EXOC3: variants seen among roughly 807,000 people sequenced by gnomAD.
EXOC3 encodes exocyst complex component 3.
EXOC3 carries 21 observed loss-of-function variants against 73.7 expected under a neutral mutation model. The observed-to-expected ratio is 0.29, with a 90% CI of 0.20 to 0.41. EXOC3 has a LOEUF of 0.41. Ranked by LOEUF, EXOC3 falls within the 10% of genes least tolerant of loss-of-function variation. The pLI, the probability that EXOC3 is intolerant of heterozygous loss-of-function variation, is 1.00. For missense variants in EXOC3, 842 were observed against 985.1 expected (o/e 0.85, Z 1.95); for synonymous variants, 410 against 389.1 (o/e 1.05, Z -0.63).
intron 5 of EXOC3, 82 bp downstream of exon 5, chr5:457,088 G>A (rs766882799): frequency 6.3e-5 from 60 of 949,626 alleles, no homozygotes; most frequent in Non-Finnish European, 9.6e-5. Context: ...CAGGAGGCAG[G>A]GGGGAAATGC....
intron 5 of EXOC3, 160 bp from the exon 6 acceptor site, chr5:457,740 T>C: frequency 1.4e-6 from 1 of 708,048 alleles, no homozygotes; most frequent in Non-Finnish European, 2.3e-6. Flanking sequence ...TGGGGGTGGC[T>C]CCTGGGTCCC....
chr5:449,445 TG>T (rs1196298953), intron 3 of EXOC3, among the ~76,000 whole-genome samples: 1 of 152,244 alleles, frequency 6.6e-6, no homozygotes, highest in Non-Finnish European at 1.5e-5. Flanking sequence ...CATTAAACAC[TG>T]ACTTCGCACC....
rs372030648 is a variant in EXOC3, at chr5:457,003, C to G, written c.1161C>G (p.Leu387=). The change falls in exon 5 of 13, where the codon CTC becomes CTG. Residue 387 remains leucine (L), a synonymous_variant. Coordinates refer to ENST00000512944, the MANE Select transcript of EXOC3 (RefSeq NM_007277.5). ...SELLDTYMST[L]TSNIIAWLRK... ...TGCTTGACACGTACATGTCCACGCTCACTGTGAGTAGGGCTGGCCTGCGTG... is the reference window on the plus strand; with the variant it reads ...TGCTTGACACGTACATGTCCACGCTGACTGTGAGTAGGGCTGGCCTGCGTG... The G allele has an allele frequency of 3.1e-6, 5 of 1,609,902 alleles. No homozygotes were observed. The highest frequency in any genetic ancestry group is 4.3e-6 in the Non-Finnish European group (5 of 1,176,308).
Position 450,787 on chromosome 5 carries a change from C to T in EXOC3, c.365-2583C>T, listed in dbSNP as rs182236526. ...TTAATACATATGGCCTTCTTTGTGA[C>T]TAGTTTTTTTTTTTTTAATTTAAAG... On this transcript the variant is annotated intron_variant, in intron 3 of 12. Coordinates refer to ENST00000512944, the MANE Select transcript of EXOC3 (RefSeq NM_007277.5). Among the ~76,000 whole-genome samples the T allele has an allele frequency of 4.0e-5, 6 of 148,162 alleles. No individual in the cohort carries two copies. In the East Asian group the frequency reaches 1.2e-3, roughly 30 times the overall value.
intron 11 of EXOC3, 41 bp downstream of exon 11, chr5:465,313 T>C (rs1217467471): frequency 1.3e-6 from 2 of 1,549,918 alleles, no homozygotes; most frequent in African/African-American, 1.4e-5. Context: ...GGCCTGTCGC[T>C]CCGCGGCCCT....
intron 10 of EXOC3, 124 bp from the exon 11 acceptor site, chr5:464,987 G>A: frequency 1.0e-6 from 1 of 990,420 alleles, no homozygotes; most frequent in Non-Finnish European, 1.4e-6. Flanking sequence ...AGCCGTGGCG[G>A]AGCGAGGAGG....
At chr5:466,246 G>A (rs1738147687) in intron 12 of EXOC3, 3 of 255,868 alleles carry the variant, frequency 1.2e-5, no homozygotes, top group South Asian at 1.1e-4. Context: ...ACCTTCCGAG[G>A]ACGTGATTAC....
chr5:465,948 G>C, intron 12 of EXOC3, 103 bp downstream of exon 12: 1 of 1,355,358 alleles, frequency 7.4e-7, no homozygotes, highest in Non-Finnish European at 1.0e-6. Flanking sequence ...CGCAAGTTCA[G>C]CCCTGCAGCA....
At chr5:446,468 C>A in intron 2 of EXOC3, 119 bp downstream of exon 2, 2 of 895,752 alleles carry the variant, frequency 2.2e-6, no homozygotes, top group Non-Finnish European at 3.3e-6. Context: ...CAGAGCTGGA[C>A]TTTCTTGAGC....
intron 3 of EXOC3, among the ~76,000 whole-genome samples, chr5:449,257 T>C (rs893939385): frequency 2.0e-5 from 3 of 152,242 alleles, no homozygotes; most frequent in African/African-American, 7.2e-5. Flanking sequence ...AGCAATGCTG[T>C]GTACACAGCT....
At position 461,992 on chromosome 5, in the gene EXOC3, A is replaced by G; in HGVS notation, c.1424A>G (p.Glu475Gly). The change falls in exon 8 of 13, where the codon GAG becomes GGG. Residue 475 changes from glutamate to glycine, a missense_variant. Transcript: ENST00000512944. ...GATGAAGCGCAGCTGTATAAAGAAG[A>G]GCACCTGAGGAATCGGCAGCACCCT... ...YKDEAQLYKE[E>G]HLRNRQHPHC... 6.2e-7 allele frequency: 1 copy of G among 1,602,380 alleles called. No homozygotes were observed. Among genetic ancestry groups the G allele is most frequent in the Non-Finnish European group, 8.5e-7 (1 of 1,174,254 alleles).
rs1175269621 is a variant in EXOC3, at chr5:458,005, C to G, written c.1270C>G (p.Leu424Val). The change falls in exon 6 of 13, where the codon CTC becomes GTC. Residue 424 changes from leucine to valine, a missense_variant. Transcript: ENST00000512944. ...ADQDGYYQTTLPAIVFQMFEQ... is the reference protein window; with the variant it reads ...ADQDGYYQTTVPAIVFQMFEQ... Reference sequence around the variant, plus strand: ...CCAGGACGGGTACTACCAGACCACACTCCCTGCCATTGTCTTCCAGGTACC... The same window carrying G: ...CCAGGACGGGTACTACCAGACCACAGTCCCTGCCATTGTCTTCCAGGTACC... 3.1e-6 allele frequency: 5 copies of G among 1,612,434 alleles called. No homozygotes were observed. The highest frequency in any genetic ancestry group is 4.2e-6 in the Non-Finnish European group (5 of 1,179,252).
At chr5:462,894 T>C (rs1014936738) in intron 9 of EXOC3, among the ~76,000 whole-genome samples, 2 of 152,176 alleles carry the variant, frequency 1.3e-5, no homozygotes, top group Admixed American at 6.5e-5. Flanking sequence ...TCACCTGAGG[T>C]TGGGAGTTCG....
chr5:443,392 G>T (rs1452659388), intron 1 of EXOC3, 102 bp downstream of exon 1: 5 of 152,598 alleles, frequency 3.3e-5, no homozygotes, highest in Non-Finnish European at 5.9e-5. Context: ...GGGCGCGTAG[G>T]GGGAGGCCGG....
intron 3 of EXOC3, among the ~76,000 whole-genome samples, chr5:448,061 T>C (rs1019884726): frequency 9.9e-5 from 15 of 152,060 alleles, no homozygotes; most frequent in Non-Finnish European, 2.1e-4. Flanking sequence ...TGTTAGACTC[T>C]GTGAGTGCAG....
rs372324034 is a variant in EXOC3 at position 447,697 on chromosome 5, G to C, written c.309G>C (p.Val103=). Residue 103 remains valine (V), a synonymous_variant, in exon 3 of 13, where the codon GTG becomes GTC. Coordinates refer to ENST00000512944, the MANE Select transcript of EXOC3 (RefSeq NM_007277.5). The part of the protein sequence containing the change: ...IESLKDVKDA[V]VQHSQLAAAV... Reference sequence around the variant, plus strand: ...GCCTCAAGGACGTCAAAGACGCCGTGGTGCAGCACAGCCAGCTCGCCGCAG... The same window carrying C: ...GCCTCAAGGACGTCAAAGACGCCGTCGTGCAGCACAGCCAGCTCGCCGCAG... The C allele has an allele frequency of 7.5e-5, 119 of 1,590,250 alleles. No homozygotes were observed. Among genetic ancestry groups the C allele is most frequent in the Non-Finnish European group, 9.8e-5 (114 of 1,167,618 alleles).
At position 446,355 on chromosome 5, in the gene EXOC3, G is replaced by A. The variant is rs758412477; in HGVS notation, c.144+6G>A. 3 of 1,590,476 alleles carry A rather than the reference G, an allele frequency of 1.9e-6. No homozygotes were observed. The African/African-American group carries it at 4.0e-5, about 21-fold the overall frequency. ...CCGTGGAGGCCAGATTGAAGGTGAG[G>A]CCACCTGCCCCACTCCCAGGATCTG... On this transcript the variant is annotated splice_donor_region_variant and intron_variant, in intron 2 of 12. Coordinates refer to ENST00000512944, the MANE Select transcript of EXOC3 (RefSeq NM_007277.5).
At chr5:443,543 G>A (rs982582865) in intron 1 of EXOC3, among the ~76,000 whole-genome samples, 61 of 151,416 alleles carry the variant, frequency 4.0e-4, no homozygotes, top group African/African-American at 1.5e-3. Context: ...TGTCCCCACA[G>A]GCACAAGGTC....
intron 10 of EXOC3, 58 bp from the exon 11 acceptor site, chr5:465,053 G>C: frequency 2.7e-6 from 4 of 1,479,998 alleles, no homozygotes; most frequent in Middle Eastern, 2.4e-4. Flanking sequence ...GTTTCAATGA[G>C]GGTGCTCCTG....
Sources: gnomAD v4.1 joint callset for allele counts (sites outside exome capture counted in the v4.1 genomes callset) on GRCh38, gnomAD v4.1.1 for gene constraint, MANE v1.5 for transcripts, NCBI Gene and HGNC (gene_info 2026-07-23, HGNC 2026-07-21) for gene names.